ABCA10: variants seen among roughly 807,000 people sequenced by gnomAD.
The protein encoded by ABCA10 is ATP-binding cassette sub-family A member 10.
ABCA10 carries 169 observed loss-of-function variants against 187.5 expected under a neutral mutation model. The ratio of observed to expected loss-of-function variants is 0.90; its 90% CI spans 0.80 to 1.02. ABCA10 has a LOEUF of 1.02. Ranked by LOEUF, ABCA10 falls within the 50% of genes least tolerant of loss-of-function variation. The pLI is 0.00. For missense variants in ABCA10, 1,727 were observed against 1,812.4 expected (o/e 0.95, Z 0.86); for synonymous variants, 574 against 601.8 (o/e 0.95, Z 0.68).
chr17:69,159,196 C>A (rs904138435), intron 27 of ABCA10, among the ~76,000 whole-genome samples: 11 of 151,910 alleles, frequency 7.2e-5, no homozygotes, highest in Admixed American at 2.6e-4. Flanking sequence ...TAAATAAAGT[C>A]ATATTTCAAA....
At chr17:69,243,470 C>CAGTATT (rs1367189375) in intron 1 of ABCA10, among the ~76,000 whole-genome samples, 1 of 152,194 alleles carries the variant, frequency 6.6e-6, no homozygotes, top group South Asian at 2.1e-4. Context: ...AAGAAAAATA[C>CAGTATT]AGTATTATAT....
rs201976695 is a variant in ABCA10 at position 69,193,220 on chromosome 17, C to A, written c.1670G>T (p.Gly557Val). The stretch of plus-strand genomic sequence containing the variant: ...TCGGTGTCTTGAAAAGGGATCCAAT[C>A]CAGCAGTTGGTTCATCTAGCAGCAA... ...QVLLLDEPTA[G>V]LDPFSRHRVW... is the part of the protein sequence containing the mutation. Residue 557 changes from glycine (G) to valine (V), a missense_variant, in exon 15 of 39, where the codon GGA becomes GTA. Transcript: ENST00000690296. 41 of 1,613,638 alleles carry A rather than the reference C, an allele frequency of 2.5e-5. No homozygotes were observed. The highest frequency in any genetic ancestry group is 3.3e-5 in the Non-Finnish European group (39 of 1,179,926).
intron 1 of ABCA10, among the ~76,000 whole-genome samples, chr17:69,242,002 C>G (rs569012507): frequency 6.6e-6 from 1 of 152,250 alleles, no homozygotes; most frequent in Admixed American, 6.5e-5. Flanking sequence ...AGGATGCCTA[C>G]TTACTAAAGA....
chr17:69,168,442 T>G (rs750066564), intron 25 of ABCA10, among the ~76,000 whole-genome samples: 1 of 152,128 alleles, frequency 6.6e-6, no homozygotes, highest in East Asian at 1.9e-4. Flanking sequence ...ATCTGGCACA[T>G]AGGAAGATAC....
At chr17:69,183,370 G>A (rs1382618744) in intron 20 of ABCA10, among the ~76,000 whole-genome samples, 1 of 152,142 alleles carries the variant, frequency 6.6e-6, no homozygotes, top group Non-Finnish European at 1.5e-5. Context: ...AGGAAGTCAA[G>A]TTGGTCACAG....
chr17:69,197,839 T>C (rs1422700735), intron 10 of ABCA10, among the ~76,000 whole-genome samples: 3 of 152,346 alleles, frequency 2.0e-5, no homozygotes, highest in African/African-American at 7.2e-5. Context: ...TCTCAAACCT[T>C]TGCCATACAA....
intron 32 of ABCA10, 65 bp downstream of exon 32, chr17:69,153,766 T>A: frequency 1.3e-6 from 2 of 1,526,954 alleles, no homozygotes; most frequent in Non-Finnish European, 1.8e-6. Context: ...CCTTTTAATA[T>A]ATAATGAAGA....
intron 10 of ABCA10, among the ~76,000 whole-genome samples, chr17:69,199,632 G>C (rs932559758): frequency 6.6e-6 from 1 of 152,254 alleles, no homozygotes; most frequent in African/African-American, 2.4e-5. Context: ...CCACTGAATA[G>C]GATGACTAGC....
In ABCA10 at chr17:69,222,627, C is replaced by A. The variant is rs745896096; in HGVS notation, c.105G>T (p.Met35Ile). The change falls in exon 4 of 39, where the codon ATG (methionine) becomes ATT (isoleucine). Residue 35 changes from methionine (M) to isoleucine (I), a missense_variant. Transcript: ENST00000690296. ...DIELPKKYHE[M>I]VGVIFSDTFS... is the part of the protein sequence containing the mutation. Reference sequence around the variant, plus strand: ...AAGTATCACTAAATATAACTCCCACCATTTCATGGTATTTTTTTGGAAGTT... The same window carrying A: ...AAGTATCACTAAATATAACTCCCACAATTTCATGGTATTTTTTTGGAAGTT... The A allele has an allele frequency of 6.2e-6, 10 of 1,601,838 alleles. No homozygotes were observed. The highest frequency in any genetic ancestry group is 1.1e-5 in the South Asian group (1 of 87,994).
intron 9 of ABCA10, among the ~76,000 whole-genome samples, chr17:69,205,073 A>G (rs1312474217): frequency 6.6e-6 from 1 of 152,166 alleles, no homozygotes; most frequent in Non-Finnish European, 1.5e-5. Flanking sequence ...GGTTGCAGTG[A>G]GCTGAGATTG....
At chr17:69,170,027 C>T (rs1267119088) in intron 25 of ABCA10, among the ~76,000 whole-genome samples, 1 of 152,050 alleles carries the variant, frequency 6.6e-6, no homozygotes, top group Non-Finnish European at 1.5e-5. Context: ...GTGGTTCAAT[C>T]CTGTAATCCT....
chr17:69,183,904 G>A (rs1488573505), intron 20 of ABCA10, among the ~76,000 whole-genome samples: 1 of 152,132 alleles, frequency 6.6e-6, no homozygotes, highest in Non-Finnish European at 1.5e-5. Flanking sequence ...AAGCACAGAA[G>A]CCATGGCAGG....
intron 9 of ABCA10, among the ~76,000 whole-genome samples, chr17:69,207,651 G>A (rs1490760441): frequency 1.3e-5 from 2 of 152,162 alleles, no homozygotes; most frequent in Non-Finnish European, 2.9e-5. Flanking sequence ...AAGTAAGCCA[G>A]ATACAGAAAT....
chr17:69,237,334 G>A (rs1315791474), intron 1 of ABCA10, among the ~76,000 whole-genome samples: 9 of 152,194 alleles, frequency 5.9e-5, no homozygotes, highest in Non-Finnish European at 1.2e-4. Flanking sequence ...CAAATCAGTG[G>A]CTGTATACCA....
chr17:69,243,458 A>G (rs2074918700), intron 1 of ABCA10, among the ~76,000 whole-genome samples: 1 of 152,236 alleles, frequency 6.6e-6, no homozygotes, highest in Non-Finnish European at 1.5e-5. Flanking sequence ...TAGAAAAGGT[A>G]CAAGAAAAAT....
rs552767493 is a variant in ABCA10 at position 69,241,420 on chromosome 17, T to C, written c.-593+3109A>G. Reference sequence around the variant, plus strand: ...ATTATTTTCAACACAGCAGCTAAACTGTTCCTTTCAAATATGCCTAATGTT... The same window carrying C: ...ATTATTTTCAACACAGCAGCTAAACCGTTCCTTTCAAATATGCCTAATGTT... On this transcript the variant is annotated intron_variant, in intron 1 of 39. Coordinates refer to the ABCA10 transcript ENST00000269081. 5.1e-4 allele frequency among the ~76,000 whole-genome samples: 78 copies of C among 152,334 alleles called. 1 individual carries two copies. The Middle Eastern group carries it at 0.014, about 27-fold the overall frequency.
intron 9 of ABCA10, among the ~76,000 whole-genome samples, chr17:69,210,350 C>T (rs1481510812): frequency 4.7e-5 from 7 of 149,298 alleles, no homozygotes; most frequent in Non-Finnish European, 1.0e-4. Context: ...CCACCGCGCC[C>T]GGCTAATTTT....
chr17:69,185,512 G>A lies in ABCA10; in HGVS notation c.2462C>T (p.Thr821Met), dbSNP rs761160403. ...YFLSLEQIPK[T>M]PLTSLLIVNN... Reference sequence around the variant, plus strand: ...AACGATTAACAGGCTGGTAAGAGGCGTCTTCGGGATTTGTTCCAGAGAAAG... The same window carrying A: ...AACGATTAACAGGCTGGTAAGAGGCATCTTCGGGATTTGTTCCAGAGAAAG... Residue 821 changes from threonine (T) to methionine (M), a missense_variant, in exon 20 of 39, where the codon ACG (threonine) becomes ATG (methionine). Coordinates refer to ENST00000690296, the MANE Select transcript of ABCA10 (RefSeq NM_001377321.1). 2.0e-5 allele frequency: 33 copies of A among 1,613,394 alleles called. No homozygotes were observed. Among genetic ancestry groups the A allele is most frequent in the South Asian group, 8.8e-5 (8 of 90,990 alleles).
intron 9 of ABCA10, among the ~76,000 whole-genome samples, chr17:69,214,087 T>C (rs1259935051): frequency 6.6e-6 from 1 of 152,222 alleles, no homozygotes; most frequent in South Asian, 2.1e-4. Context: ...AAAAGCATCA[T>C]TATTCAATAG....
Sources: gnomAD v4.1 joint callset for allele counts (sites outside exome capture counted in the v4.1 genomes callset) on GRCh38, gnomAD v4.1.1 for gene constraint, MANE v1.5 for transcripts, NCBI Gene and HGNC (gene_info 2026-07-23, HGNC 2026-07-21) for gene names.